Variants in COMMD1 observed in about 807,000 individuals in gnomAD.
The protein encoded by COMMD1 is copper metabolism domain containing 1, also known as COMM domain-containing protein 1.
Under a neutral mutation model 17.2 loss-of-function variants are expected in COMMD1, and 10 were observed. The observed-to-expected ratio is 0.58, with a 90% CI of 0.36 to 0.99. COMMD1 has a LOEUF of 0.99. Among genes scored for constraint, COMMD1 ranks in the 50% least tolerant of loss-of-function variants. The pLI is 0.01. For synonymous variants in COMMD1, 97 were observed against 91.6 expected (o/e 1.06, Z -0.34); for missense variants, 270 against 231.8 (o/e 1.17, Z -1.07).
chr2:61,935,541 T>C (rs1490185508), intron 1 of COMMD1, among the ~76,000 whole-genome samples: 1 of 151,950 alleles, frequency 6.6e-6, no homozygotes, highest in East Asian at 1.9e-4. Context: ...GGCAAGAGAA[T>C]TGCTTGAACC....
chr2:61,892,925 T>C (rs1669468729), intron 1 of COMMD1, among the ~76,000 whole-genome samples: 1 of 151,950 alleles, frequency 6.6e-6, no homozygotes, highest in Admixed American at 6.5e-5. Context: ...TGGAGTGCAG[T>C]GGCGCAATCT....
At chr2:62,044,197 A>T (rs1234334829) in intron 2 of COMMD1, among the ~76,000 whole-genome samples, 1 of 152,138 alleles carries the variant, frequency 6.6e-6, no homozygotes, top group Non-Finnish European at 1.5e-5. Flanking sequence ...ATTTATAATC[A>T]ATTTGTTTAT....
intron 1 of COMMD1, among the ~76,000 whole-genome samples, chr2:61,984,245 C>T (rs147114048): frequency 2.0e-5 from 3 of 152,140 alleles, no homozygotes; most frequent in East Asian, 1.9e-4. Flanking sequence ...AGGTTGGTCT[C>T]GAACTCCTGA....
chr2:62,066,794 C>A (rs184210412), intron 2 of COMMD1, among the ~76,000 whole-genome samples: 1 of 151,788 alleles, frequency 6.6e-6, no homozygotes, highest in Non-Finnish European at 1.5e-5. Context: ...GGTGGGATTG[C>A]GGCTCACTGC....
At chr2:62,091,734 G>A (rs748675611) in intron 2 of COMMD1, among the ~76,000 whole-genome samples, 1 of 152,180 alleles carries the variant, frequency 6.6e-6, no homozygotes, top group Admixed American at 6.5e-5. Context: ...ATTTGGGCAG[G>A]CCATGCTATG....
At chr2:61,957,504 T>G (rs1174157713) in intron 1 of COMMD1, among the ~76,000 whole-genome samples, 1 of 152,182 alleles carries the variant, frequency 6.6e-6, no homozygotes, top group Non-Finnish European at 1.5e-5. Flanking sequence ...CTTAACTCAG[T>G]TTTTGGATTG....
chr2:61,999,297 C>G (rs1332714237), intron 1 of COMMD1, among the ~76,000 whole-genome samples: 1 of 152,116 alleles, frequency 6.6e-6, no homozygotes, highest in African/African-American at 2.4e-5. Flanking sequence ...GTTACTGTGT[C>G]TTCTTGGATG....
intron 1 of COMMD1, among the ~76,000 whole-genome samples, chr2:61,978,656 C>T (rs1671869371): frequency 6.6e-6 from 1 of 152,146 alleles, no homozygotes; most frequent in Admixed American, 6.5e-5. Context: ...ATGTCTCATT[C>T]ATCTGACTGG....
intron 2 of COMMD1, among the ~76,000 whole-genome samples, chr2:62,062,630 C>T (rs66494949): frequency 0.085 from 12,910 of 151,430 alleles, 731 homozygotes; most frequent in Non-Finnish European, 0.12. Context: ...AACCCTGAGA[C>T]GAGTGAAAAA....
intron 1 of COMMD1, among the ~76,000 whole-genome samples, chr2:61,959,453 C>G (rs1272000003): frequency 6.6e-6 from 1 of 151,924 alleles, no homozygotes; most frequent in East Asian, 1.9e-4. Flanking sequence ...TTATTGAAAC[C>G]CTAGTTAGTT....
At chr2:62,106,274 C>G (rs1332485844) in intron 2 of COMMD1, among the ~76,000 whole-genome samples, 1 of 152,236 alleles carries the variant, frequency 6.6e-6, no homozygotes, top group African/African-American at 2.4e-5. Flanking sequence ...TTGTTTATAT[C>G]AGTACCATTT....
chr2:62,070,506 C>T (rs928669850), intron 2 of COMMD1: 1 of 148,926 alleles, frequency 6.7e-6, no homozygotes, highest in Non-Finnish European at 1.5e-5. Context: ...TATGATCATG[C>T]CACTGCAACC....
chr2:62,081,218 C>A (rs1671507090), intron 2 of COMMD1, among the ~76,000 whole-genome samples: 1 of 151,956 alleles, frequency 6.6e-6, no homozygotes, highest in Admixed American at 6.6e-5. Context: ...TCTCTACCAT[C>A]CCTGAATGTT....
chr2:61,907,684 A>C, intron 1 of COMMD1, among the ~76,000 whole-genome samples: 1 of 148,434 alleles, frequency 6.7e-6, no homozygotes, highest in Non-Finnish European at 1.5e-5. Flanking sequence ...TTGCCTGAAA[A>C]CTCTCTTATT....
chr2:61,901,987 C>T (rs1240237954), upstream of COMMD1, among the ~76,000 whole-genome samples: 2 of 151,932 alleles, frequency 1.3e-5, no homozygotes, highest in Non-Finnish European at 2.9e-5. Context: ...CACGCGCCAT[C>T]ACGCCCAGCT....
At chr2:62,002,570 G>A (rs968905413) in intron 2 of COMMD1, among the ~76,000 whole-genome samples, 10 of 139,846 alleles carry the variant, frequency 7.2e-5, no homozygotes, top group Middle Eastern at 4.3e-3. Context: ...GCTCATCTCT[G>A]TAATCCCAGC....
chr2:61,903,346 A>T (rs1572944971), upstream of COMMD1, among the ~76,000 whole-genome samples: 1 of 151,468 alleles, frequency 6.6e-6, no homozygotes, highest in African/African-American at 2.4e-5. Context: ...TGGGAGGCTG[A>T]GGCAGGAGAA....
Position 61,930,658 on chromosome 2 carries a change from A to T in COMMD1, c.180+24800A>T, listed in dbSNP as rs111463797. Among the ~76,000 whole-genome samples the T allele has an allele frequency of 1.2e-3, 138 of 115,726 alleles. 1 individual carries two copies. Among genetic ancestry groups the T allele is most frequent in the South Asian group, 2.5e-3 (9 of 3,662 alleles). 75.9% of individuals were successfully genotyped at this position (115,726 alleles called of 152,430 possible). On this transcript the variant is annotated intron_variant, in intron 1 of 2. Transcript: ENST00000311832. Reference sequence around the variant, plus strand: ...GTGTGTGTGTGTGTGTGTGTGTGTGAGTGAGTGTTTGAGCTCACCTATCCA... The same window carrying T: ...GTGTGTGTGTGTGTGTGTGTGTGTGTGTGAGTGTTTGAGCTCACCTATCCA...
At position 61,979,785 on chromosome 2, in the gene COMMD1, A is replaced by C. The variant is rs749482601; in HGVS notation, c.181-20916A>C. Among the ~76,000 whole-genome samples, 9 of 148,938 alleles carry C rather than the reference A, an allele frequency of 6.0e-5. No homozygotes were observed. In the Admixed American group the frequency reaches 6.0e-4, roughly 10 times the overall value. On this transcript the variant is annotated intron_variant, in intron 1 of 2. Coordinates refer to ENST00000311832, the MANE Select transcript of COMMD1 (RefSeq NM_152516.4). ...TATTATACTCTAAGTTTTAGGGTAC[A>C]TGTGCACATTGTGCAGGTTAGTTAC... is the stretch of plus-strand genomic sequence containing the variant.
Sources: allele counts gnomAD v4.1 joint callset (sites outside exome capture counted in the v4.1 genomes callset), GRCh38; gene constraint gnomAD v4.1.1; transcripts MANE v1.5; gene names NCBI Gene and HGNC (gene_info 2026-07-23, HGNC 2026-07-21).